The following SYNE1 variants were observed in gnomAD, a reference collection of about 807,000 sequenced individuals.
SYNE1 encodes the protein spectrin repeat containing nuclear envelope protein 1, also known as nesprin-1.
A neutral mutation model predicts 1,111.0 loss-of-function variants in SYNE1; 616 were observed. The ratio of observed to expected loss-of-function variants is 0.55; its 90% CI spans 0.52 to 0.59. SYNE1 has a LOEUF of 0.59. Ranked by LOEUF, SYNE1 falls within the 20% of genes least tolerant of loss-of-function variation. The pLI is 0.00. For synonymous variants in SYNE1, 3,855 were observed against 3,825.8 expected, an observed-to-expected ratio of 1.01 and a Z score of -0.28; for missense variants, 10,006 against 10,417.0, an observed-to-expected ratio of 0.96 and a Z score of 1.72.
intron 3 of SYNE1, among the ~76,000 whole-genome samples, chr6:152,596,265 TGTTTG>T (rs746369662): frequency 0.023 from 2,668 of 117,702 alleles, 88 homozygotes; most frequent in African/African-American, 0.079. Flanking sequence ...GTTTTTTGTT[TGTTTG>T]TTTTTTTTTT....
chr6:152,416,546 T>C lies in SYNE1; in HGVS notation c.5891A>G (p.Asn1964Ser). ...CTCACTCTGCTTGGTTCCCAGAAGG[T>C]TCTGGATCCTCTCTACCTCTCCACA... ...QLCGEVERIQ[N>S]LLGTKQSEAD... Residue 1964 changes from asparagine to serine, a missense_variant, in exon 41 of 146, where the codon AAC becomes AGC. By Grantham distance (46) the Asn-to-Ser change is conservative. Around this residue, in one of 7 missense-constraint regions of SYNE1, gnomAD observed 4,955 missense variants for 5,017.2 expected, o/e 0.99. Coordinates refer to ENST00000367255, the MANE Select transcript of SYNE1 (RefSeq NM_182961.4). 1.2e-6 allele frequency: 2 copies of C among 1,614,038 alleles called. No individual in the cohort carries two copies. The highest frequency in any genetic ancestry group is 1.1e-5 in the South Asian group (1 of 91,082).
chr6:152,351,802 T>C (rs1319635602), intron 70 of SYNE1, among the ~76,000 whole-genome samples: 1 of 152,170 alleles, frequency 6.6e-6, no homozygotes, highest in Non-Finnish European at 1.5e-5. Flanking sequence ...AATATATTGA[T>C]ACAATCTTTG....
intron 125 of SYNE1, 130 bp downstream of exon 125, chr6:152,207,842 T>C (rs1021309231): frequency 3.4e-6 from 3 of 870,106 alleles, no homozygotes; most frequent in African/African-American, 3.3e-5. Flanking sequence ...TATATTTCTG[T>C]TGACATTTGA....
chr6:152,203,747 G>T (rs1470339914), intron 126 of SYNE1, among the ~76,000 whole-genome samples: 1 of 152,044 alleles, frequency 6.6e-6, no homozygotes, highest in East Asian at 1.9e-4. Context: ...ACTGAACTGA[G>T]AATTTGGCAC....
At chr6:152,257,562 G>T (rs1000222421) in intron 101 of SYNE1, among the ~76,000 whole-genome samples, 2 of 152,028 alleles carry the variant, frequency 1.3e-5, no homozygotes, top group African/African-American at 4.8e-5. Flanking sequence ...TATAAAAAAA[G>T]AAAATTAAAT....
At chr6:152,410,933 T>A (rs1047473617) in intron 42 of SYNE1, among the ~76,000 whole-genome samples, 3 of 152,224 alleles carry the variant, frequency 2.0e-5, no homozygotes, top group African/African-American at 7.2e-5. Context: ...TATATTCTTA[T>A]GATAGGACAC....
intron 42 of SYNE1, among the ~76,000 whole-genome samples, chr6:152,411,277 C>T (rs1172308470): frequency 6.6e-6 from 1 of 152,176 alleles, no homozygotes; most frequent in Admixed American, 6.5e-5. Flanking sequence ...GTTTATCCTT[C>T]AGCCTGTACC....
intron 20 of SYNE1, among the ~76,000 whole-genome samples, chr6:152,462,011 G>A (rs2098736801): frequency 6.6e-6 from 1 of 151,530 alleles, no homozygotes; most frequent in South Asian, 2.1e-4. Flanking sequence ...CCATGTTAAT[G>A]TAGTATGGAA....
chr6:152,170,281 G>A (rs2064859892), intron 130 of SYNE1, among the ~76,000 whole-genome samples: 1 of 152,048 alleles, frequency 6.6e-6, no homozygotes, highest in African/African-American at 2.4e-5. Flanking sequence ...GATAAGTTGT[G>A]GTATATTTAT....
In SYNE1 at chr6:152,498,876, G is replaced by A. The variant is rs1048085625; in HGVS notation, c.889-84C>T. 54 of 737,638 alleles carry A rather than the reference G, an allele frequency of 7.3e-5. No individual in the cohort carries two copies. In the Admixed American group the frequency reaches 1.5e-3, roughly 20 times the overall value. The allele number at this position is 737,638 out of a possible 1,614,324, so 45.7% of individuals were successfully genotyped here. A position where few individuals can be genotyped will look rare whatever the true frequency, so the allele number is the denominator to read the frequency against. On this transcript the variant is annotated intron_variant, in intron 10 of 145. Coordinates refer to ENST00000367255, the MANE Select transcript of SYNE1 (RefSeq NM_182961.4). ...TTAGAAAACAAGAATAAAATCAATG[G>A]AAAGGCATCCGCCTTTAGAGAAATA...
chr6:152,125,330 G>A, intron 145 of SYNE1: 1 of 1,550,416 alleles, frequency 6.4e-7, no homozygotes, highest in South Asian at 1.2e-5. Flanking sequence ...TTGGAAACAA[G>A]TGGTTTCCTC....
chr6:152,428,237 C>T lies in SYNE1; in HGVS notation c.4944G>A (p.Thr1648=), dbSNP rs1442733248. The T allele has an allele frequency of 8.7e-6, 14 of 1,613,734 alleles. No homozygotes were observed. The highest frequency in any genetic ancestry group is 4.4e-5 in the South Asian group (4 of 91,090). ...AGTGGGCCAGCAGATTCTCCAGCGC[C>T]GTCTGTCTCTCCTTCGCCCTCCTTA... ...DILRRAKERQ[T]ALENLLAHWQ... Residue 1648 remains threonine, a synonymous_variant, in exon 37 of 146, where the codon ACG becomes ACA. Transcript: ENST00000367255.
intron 50 of SYNE1, among the ~76,000 whole-genome samples, chr6:152,396,503 G>A (rs1009792955): frequency 2.6e-5 from 4 of 151,744 alleles, no homozygotes; most frequent in African/African-American, 7.3e-5. Context: ...TTTATATATT[G>A]GTGAACCAAA....
intron 53 of SYNE1, among the ~76,000 whole-genome samples, chr6:152,387,802 T>C (rs1195641424): frequency 6.6e-6 from 1 of 152,226 alleles, no homozygotes; most frequent in African/African-American, 2.4e-5. Flanking sequence ...GATTATTTGT[T>C]GACTGGAATT....
At chr6:152,389,481 T>C (rs2097575321) in intron 53 of SYNE1, among the ~76,000 whole-genome samples, 1 of 152,196 alleles carries the variant, frequency 6.6e-6, no homozygotes. Context: ...TAACAGGATA[T>C]ATAACCATCA....
rs191181215 is a variant in SYNE1, at chr6:152,494,136, C to T, written c.939+4606G>A. On this transcript the variant is annotated intron_variant, in intron 11 of 145. Transcript: ENST00000367255. ...CATGTCTGTATGCAGTGACAGCCAC[C>T]GCTTTAATACTTTTAGAGGCCATCA... Among the ~76,000 whole-genome samples the T allele has an allele frequency of 7.4e-4, 112 of 152,272 alleles. 1 individual carries two copies. The highest frequency in any genetic ancestry group is 9.3e-4 in the Non-Finnish European group (63 of 68,030).
chr6:152,321,590 A>G (rs1230929630), intron 83 of SYNE1, 131 bp downstream of exon 83: 5 of 1,299,086 alleles, frequency 3.8e-6, no homozygotes, highest in Non-Finnish European at 3.2e-6. Flanking sequence ...AATACTAAAT[A>G]TCTTTTATAT....
In SYNE1 at chr6:152,401,295, A is replaced by G. The variant is rs751514660; in HGVS notation, c.6872T>C (p.Ile2291Thr). The G allele has an allele frequency of 3.7e-6, 6 of 1,613,888 alleles. No homozygotes were observed. In the East Asian group the frequency reaches 1.1e-4, roughly 30 times the overall value. Residue 2291 changes from isoleucine (I) to threonine (T), a missense_variant, in exon 47 of 146, where the codon ATA becomes ACA. Ile to Thr is a moderately conservative substitution (Grantham distance 89). This residue lies in a region of SYNE1 where 4,955 missense variants were observed against 5,017.2 expected (regional missense o/e 0.99). Coordinates refer to ENST00000367255, the MANE Select transcript of SYNE1 (RefSeq NM_182961.4). ...CAGGGTTCCTTTTGCTACTTCAGTT[A>G]TTTCTTTGGCATGCTCCAGTTTCTG... ...LMQKLEHAKE[I>T]TEVAKGTLKD...
At chr6:152,413,985 A>AAT (rs3046241) in intron 41 of SYNE1, among the ~76,000 whole-genome samples, 282 of 145,544 alleles carry the variant, frequency 1.9e-3, no homozygotes, top group Non-Finnish European at 2.4e-3. Flanking sequence ...AGCTCTGCAG[A>AAT]ATATATATAT....
Sources: allele counts gnomAD v4.1 joint callset (sites outside exome capture counted in the v4.1 genomes callset), GRCh38; gene constraint gnomAD v4.1.1; regional missense constraint gnomAD v4.1.1; transcripts MANE v1.5; gene names NCBI Gene and HGNC (gene_info 2026-07-23, HGNC 2026-07-21).